MIIP: variants seen among roughly 807,000 people sequenced by gnomAD.
MIIP encodes the protein migration and invasion inhibitory protein.
MIIP carries 44 observed loss-of-function variants against 44.8 expected under a neutral mutation model. That is an observed-to-expected ratio of 0.98 (90% CI 0.77 to 1.26). The LOEUF is 1.26. Among genes scored for constraint, MIIP ranks in the 50% most tolerant of loss-of-function variants. MIIP has a pLI of 0.00. For missense variants in MIIP, 496 were observed against 511.7 expected (o/e 0.97, Z 0.30); for synonymous variants, 225 against 218.3 (o/e 1.03, Z -0.27).
In MIIP at chr1:12,021,734, A is replaced by C. The variant is rs1639979195; in HGVS notation, c.8A>C (p.Glu3Ala). Reference sequence around the variant, plus strand: ...TGCTGAGAGAGGCCCAGGATGGTGGAGGCTGAGGAACTGGCACAGCTGCGG... The same window carrying C: ...TGCTGAGAGAGGCCCAGGATGGTGGCGGCTGAGGAACTGGCACAGCTGCGG... The part of the protein sequence containing the change: MV[E>A]AEELAQLRLL... The change falls in exon 2 of 10, where the codon GAG (glutamate) becomes GCG (alanine). Residue 3 changes from glutamate (E) to alanine (A), a missense_variant. Coordinates refer to ENST00000235332, the MANE Select transcript of MIIP (RefSeq NM_021933.4). The C allele has an allele frequency of 6.2e-7, 1 of 1,612,622 alleles. No homozygotes were observed. The highest frequency in any genetic ancestry group is 1.3e-5 in the African/African-American group (1 of 74,908).
chr1:12,031,161 G>A (rs1640232107), intron 8 of MIIP, 105 bp from the exon 9 acceptor site: 14 of 1,385,112 alleles, frequency 1.0e-5, no homozygotes, highest in Admixed American at 7.5e-5. Flanking sequence ...CCTTGGTGGG[G>A]GCCTCCTTCC....
intron 4 of MIIP, among the ~76,000 whole-genome samples, chr1:12,027,978 G>A (rs1009625826): frequency 6.6e-6 from 1 of 152,202 alleles, no homozygotes; most frequent in Non-Finnish European, 1.5e-5. Context: ...TTGGGAGGCC[G>A]AGGCAGGTGG....
chr1:12,028,930 C>A, intron 4 of MIIP, 103 bp from the exon 5 acceptor site: 2 of 891,224 alleles, frequency 2.2e-6, no homozygotes, highest in East Asian at 2.5e-5. Flanking sequence ...AAGCAGGTGG[C>A]CTGGGGTGCC....
chr1:12,027,752 GTTA>G (rs1378377702), intron 4 of MIIP, among the ~76,000 whole-genome samples: 1 of 152,152 alleles, frequency 6.6e-6, no homozygotes, highest in Non-Finnish European at 1.5e-5. Context: ...TCACCATGAA[GTTA>G]TTAACCTTCT....
At chr1:12,019,962 C>A (rs919566504) in intron 1 of MIIP, among the ~76,000 whole-genome samples, 3 of 152,268 alleles carry the variant, frequency 2.0e-5, no homozygotes, top group Non-Finnish European at 4.4e-5. Flanking sequence ...TCCGTGCCCC[C>A]CGGCCCTGCG....
rs200414041 is a variant in MIIP, at chr1:12,030,032, A to G, written c.850A>G (p.Ser284Gly). The G allele has an allele frequency of 1.9e-6, 3 of 1,613,268 alleles. No individual in the cohort carries two copies. The highest frequency in any genetic ancestry group is 2.7e-5 in the African/African-American group (2 of 74,900). Residue 284 changes from serine to glycine, a missense_variant, in exon 8 of 10, where the codon AGC becomes GGC. Coordinates refer to ENST00000235332, the MANE Select transcript of MIIP (RefSeq NM_021933.4). Reference sequence around the variant, plus strand: ...CCCCACTGCCCCCCTGCGCAGGGTGAGCATCCCGCTGTCGATCCTGGAGCC... The same window carrying G: ...CCCCACTGCCCCCCTGCGCAGGGTGGGCATCCCGCTGTCGATCCTGGAGCC... ...TLAQPAHVRV[S>G]IPLSILEPPH...
At position 12,029,051 on chromosome 1, in the gene MIIP, C is replaced by G. The variant is rs1640165810; in HGVS notation, c.566C>G (p.Ser189Cys). 6.2e-7 allele frequency: 1 copy of G among 1,614,136 alleles called. No individual in the cohort carries two copies. Among genetic ancestry groups the G allele is most frequent in the Non-Finnish European group, 8.5e-7 (1 of 1,179,998 alleles). ...ACACCAGGGTCTCTGGACACCAGCT[C>G]TTCCATCACCAGCCAGCCTGAGGCC... ...DWIAGSLDTS[S>C]SITSQPEAFF... is the part of the protein sequence containing the mutation. Residue 189 changes from serine to cysteine, a missense_variant, in exon 5 of 10, where the codon TCT (serine) becomes TGT (cysteine). Transcript: ENST00000235332.
chr1:12,029,370 T>C, intron 6 of MIIP, 89 bp downstream of exon 6: 1 of 1,419,072 alleles, frequency 7.0e-7, no homozygotes, highest in Non-Finnish European at 9.7e-7. Flanking sequence ...CATTTGAGGT[T>C]TGGGGCCTGG....
At position 12,022,923 on chromosome 1, in the gene MIIP, G is replaced by A. The variant is rs774949070; in HGVS notation, c.547+6G>A. 8 of 1,603,796 alleles carry A rather than the reference G, an allele frequency of 5.0e-6. No individual in the cohort carries two copies. Among genetic ancestry groups the A allele is most frequent in the Non-Finnish European group, 6.8e-6 (8 of 1,174,582 alleles). On this transcript the variant is annotated splice_donor_region_variant and intron_variant, in intron 4 of 9. Transcript: ENST00000235332. Reference sequence around the variant, plus strand: ...GGGCTATGACTGGATTGCAGGTAAGGCGTGCTGTTGCCCTGCACACACTTT... The same window carrying A: ...GGGCTATGACTGGATTGCAGGTAAGACGTGCTGTTGCCCTGCACACACTTT...
chr1:12,029,532 TG>T, intron 6 of MIIP: 1 of 691,616 alleles, frequency 1.4e-6, no homozygotes, highest in East Asian at 2.7e-5. Flanking sequence ...GCAGTGCCCC[TG>T]TGCTGGTGGG....
intron 1 of MIIP, among the ~76,000 whole-genome samples, chr1:12,020,777 G>C (rs1037016543): frequency 5.2e-4 from 79 of 151,870 alleles, no homozygotes; most frequent in African/African-American, 1.9e-3. Flanking sequence ...TCTGCCTCCC[G>C]GGTTCAGGTG....
At chr1:12,019,989 TG>T (rs1489685678) in intron 1 of MIIP, among the ~76,000 whole-genome samples, 1 of 152,208 alleles carries the variant, frequency 6.6e-6, no homozygotes, top group Non-Finnish European at 1.5e-5. Flanking sequence ...TATACGTGTG[TG>T]GGGGAGGTTC....
chr1:12,030,176 T>C (rs1640206649), intron 8 of MIIP, 52 bp downstream of exon 8: 1 of 1,554,114 alleles, frequency 6.4e-7, no homozygotes, highest in African/African-American at 1.4e-5. Flanking sequence ...TGGCTCAGAC[T>C]GGCCCAGATC....
In MIIP at chr1:12,029,888, A is replaced by T. The variant is rs769985165; in HGVS notation, c.839A>T (p.His280Leu). Residue 280 changes from histidine to leucine, a missense_variant, in exon 7 of 10, where the codon CAC (histidine) becomes CTC (leucine). Transcript: ENST00000235332. ...CCTGGGACCCTGGCGCAGCCAGCGCACGTCAGGTGAGTGACCAGAGTATTG... is the reference window on the plus strand; with the variant it reads ...CCTGGGACCCTGGCGCAGCCAGCGCTCGTCAGGTGAGTGACCAGAGTATTG... ...QGPGTLAQPA[H>L]VRVSIPLSIL... is the part of the protein sequence containing the mutation. 1 of 1,612,704 alleles carries T rather than the reference A, an allele frequency of 6.2e-7. No homozygotes were observed. The highest frequency in any genetic ancestry group is 8.5e-7 in the Non-Finnish European group (1 of 1,179,226).
At chr1:12,021,351 G>A (rs540740403) in intron 1 of MIIP, among the ~76,000 whole-genome samples, 8 of 149,462 alleles carry the variant, frequency 5.4e-5, no homozygotes, top group East Asian at 2.0e-4. Context: ...CCGAGATTGC[G>A]CCACTGCACT....
chr1:12,020,467 A>G (rs1639947127), intron 1 of MIIP, among the ~76,000 whole-genome samples: 1 of 152,198 alleles, frequency 6.6e-6, no homozygotes, highest in African/African-American at 2.4e-5. Context: ...ATACCACTGT[A>G]AGCACTGTAT....
intron 2 of MIIP, 44 bp downstream of exon 2, chr1:12,021,884 C>T (rs750613982): frequency 2.1e-4 from 316 of 1,487,202 alleles, no homozygotes; most frequent in Non-Finnish European, 2.8e-4. Context: ...GGCTACCTGA[C>T]CTTCAGGCCA....
chr1:12,029,340 C>G, intron 6 of MIIP, 59 bp downstream of exon 6: 2 of 1,537,612 alleles, frequency 1.3e-6, no homozygotes. Flanking sequence ...GCCCTGGCCT[C>G]CCCTGCCCCA....
chr1:12,019,927 A>G (rs1267797640), intron 1 of MIIP, among the ~76,000 whole-genome samples: 1 of 152,176 alleles, frequency 6.6e-6, no homozygotes, highest in East Asian at 1.9e-4. Context: ...TGCGGATCAA[A>G]CAGTTGGCCC....
Sources: allele counts gnomAD v4.1 joint callset (sites outside exome capture counted in the v4.1 genomes callset), GRCh38; gene constraint gnomAD v4.1.1; transcripts MANE v1.5; gene names NCBI Gene and HGNC (gene_info 2026-07-23, HGNC 2026-07-21).